SON: variants seen among roughly 807,000 people sequenced by gnomAD.
SON encodes the protein protein SON.
Under a neutral mutation model 173.3 loss-of-function variants are expected in SON, and 4 were observed. The observed-to-expected ratio is 0.02, with a 90% CI of 0.01 to 0.05. The LOEUF is 0.05. Ranked by LOEUF, SON falls within the 10% of genes least tolerant of loss-of-function variation. The pLI is 1.00. For missense variants in SON, 2,626 were observed against 3,055.3 expected, an observed-to-expected ratio of 0.86 and a Z score of 3.31; for synonymous variants, 1,190 against 1,105.9, an observed-to-expected ratio of 1.08 and a Z score of -1.51.
At chr21:33,576,240 A>G (rs2086397757) in intron 11 of SON, 125 bp from the exon 12 acceptor site, 1 of 653,452 alleles carries the variant, frequency 1.5e-6, no homozygotes, top group Admixed American at 2.5e-5. Context: ...TGAGATTATA[A>G]TTTGACTTAC....
intron 3 of SON, 71 bp from the exon 4 acceptor site, chr21:33,557,085 T>C: frequency 7.1e-7 from 1 of 1,418,168 alleles, no homozygotes; most frequent in Non-Finnish European, 9.6e-7. Context: ...TTTGTTAGTA[T>C]GTTAGACTTT....
Position 33,543,135 on chromosome 21 carries a change from A to G in SON, c.43A>G (p.Ser15Gly). 1 of 1,614,278 alleles carries G rather than the reference A, an allele frequency of 6.2e-7. No homozygotes were observed. The highest frequency in any genetic ancestry group is 8.5e-7 in the Non-Finnish European group (1 of 1,180,048). ...GCAGATTTTTAGGTCTTTCGTGGTC[A>G]GTAAATTCCGGGAAATTCAACAGGA... ...IEQIFRSFVV[S>G]KFREIQQELS... Residue 15 changes from serine to glycine, a missense_variant, in exon 1 of 12, where the codon AGT becomes GGT. Around this residue, in one of 13 missense-constraint regions of SON, gnomAD observed 757 missense variants for 730.1 expected, o/e 1.04. Coordinates refer to ENST00000356577, the MANE Select transcript of SON (RefSeq NM_138927.4).
rs2086326437 is a variant in SON, at chr21:33,573,224, CCT to C, written c.6886-81_6886-80del. ...ACAGATCTAGAAGTAAAGTAAGATT[CCT>C]CTTTTTAGAAAGTAAACAATGAATC... On this transcript the variant is annotated intron_variant, in intron 8 of 11. Coordinates refer to ENST00000356577, the MANE Select transcript of SON (RefSeq NM_138927.4). The C allele has an allele frequency of 5.2e-6, 6 of 1,148,364 alleles. No individual in the cohort carries two copies. In the South Asian group the frequency reaches 7.1e-5, roughly 14 times the overall value. 71.1% of individuals were successfully genotyped at this position (1,148,364 alleles called of 1,614,324 possible).
intron 1 of SON, 103 bp downstream of exon 1, chr21:33,543,272 C>A: frequency 9.0e-7 from 1 of 1,113,560 alleles, no homozygotes; most frequent in African/African-American, 1.5e-5. Flanking sequence ...CCGGCTCAGG[C>A]CCCGCTAGGG....
chr21:33,551,019 G>T lies in SON; in HGVS notation c.1788G>T (p.Leu596Phe). The T allele has an allele frequency of 1.2e-6, 2 of 1,609,928 alleles. No homozygotes were observed. Among genetic ancestry groups the T allele is most frequent in the Non-Finnish European group, 1.7e-6 (2 of 1,177,890 alleles). The change falls in exon 3 of 12, where the codon TTG (leucine) becomes TTT (phenylalanine). Residue 596 changes from leucine (L) to phenylalanine (F), a missense_variant. By Grantham distance (22) the Leu-to-Phe change is conservative. Around this residue, in one of 13 missense-constraint regions of SON, gnomAD observed 757 missense variants for 730.1 expected, o/e 1.04. Coordinates refer to ENST00000356577, the MANE Select transcript of SON (RefSeq NM_138927.4). ...CTGTGGCAACTGGGGCACTAGAGTT[G>T]CCTGGGCCGCTCATGGCAGCTGGGG... ...GQPVATGALE[L>F]PGPLMAAGAL...
chr21:33,560,565 A>G (rs1421779046), intron 6 of SON: 1 of 973,070 alleles, frequency 1.0e-6, no homozygotes, highest in African/African-American at 1.8e-5. Context: ...AAACAGCAAG[A>G]CTGTATATAT....
In SON at chr21:33,551,972, A is replaced by G. The variant is rs946944634; in HGVS notation, c.2741A>G (p.Tyr914Cys). 4 of 1,613,898 alleles carry G rather than the reference A, an allele frequency of 2.5e-6. No individual in the cohort carries two copies. Among genetic ancestry groups the G allele is most frequent in the Non-Finnish European group, 3.4e-6 (4 of 1,179,816 alleles). The change falls in exon 3 of 12, where the codon TAT becomes TGT. Residue 914 changes from tyrosine (Y) to cysteine (C), a missense_variant. By Grantham distance (194) the Tyr-to-Cys change is radical (BLOSUM62 -2). Transcript: ENST00000356577. The stretch of plus-strand genomic sequence containing the variant: ...TTGGGTTCAAAATCTCCTGATCCCT[A>G]TAGGTTAGCTCAGGATCCTTACAGG... The part of the protein sequence containing the change: ...AMLGSKSPDP[Y>C]RLAQDPYRLA...
intron 6 of SON, among the ~76,000 whole-genome samples, chr21:33,561,593 T>C (rs2086071262): frequency 6.6e-6 from 1 of 152,206 alleles, no homozygotes; most frequent in African/African-American, 2.4e-5. Flanking sequence ...GGGAAAGTGC[T>C]TAGTAACTCC....
Position 33,550,567 on chromosome 21 carries a change from G to A in SON, c.1336G>A (p.Val446Met). The change falls in exon 3 of 12, where the codon GTG becomes ATG. Residue 446 changes from valine (V) to methionine (M), a missense_variant. Transcript: ENST00000356577. ...PELPGPSVTP[V>M]PQLSQELPGL... ...GTTGCCAGGGCCCTCTGTGACACCAGTGCCACAGTTGTCGCAGGAATTGCC... is the reference window on the plus strand; with the variant it reads ...GTTGCCAGGGCCCTCTGTGACACCAATGCCACAGTTGTCGCAGGAATTGCC... 1.2e-6 allele frequency: 2 copies of A among 1,613,860 alleles called. No individual in the cohort carries two copies. The highest frequency in any genetic ancestry group is 1.7e-6 in the Non-Finnish European group (2 of 1,179,938).
chr21:33,557,245 G>A lies in SON; in HGVS notation c.6250G>A (p.Ala2084Thr), dbSNP rs763604763. 20 of 1,613,546 alleles carry A rather than the reference G, an allele frequency of 1.2e-5. No homozygotes were observed. In the East Asian group the frequency reaches 4.2e-4, roughly 34 times the overall value. The change falls in exon 4 of 12, where the codon GCA becomes ACA. Residue 2084 changes from alanine (A) to threonine (T), a missense_variant. Coordinates refer to ENST00000356577, the MANE Select transcript of SON (RefSeq NM_138927.4). ...GVPLPPNLKP[A>T]PPPTIEEKVA... ...CCCTTTACCACCAAACCTAAAGCCT[G>A]CACCTCCACCTACTATAGAAGAGAA...
At chr21:33,565,543 A>C (rs911971433) in intron 6 of SON, among the ~76,000 whole-genome samples, 11 of 152,212 alleles carry the variant, frequency 7.2e-5, no homozygotes, top group African/African-American at 2.7e-4. Flanking sequence ...TTCTCATTAA[A>C]GTCCCAGGAA....
Position 33,551,058 on chromosome 21 carries a change from G to T in SON, c.1827G>T (p.Ser609=), listed in dbSNP as rs750056624. The T allele has an allele frequency of 1.1e-5, 18 of 1,612,026 alleles. No individual in the cohort carries two copies. In the South Asian group the frequency reaches 1.8e-4, roughly 16 times the overall value. Residue 609 remains serine (S), a synonymous_variant, in exon 3 of 12, where the codon TCG becomes TCT. Coordinates refer to ENST00000356577, the MANE Select transcript of SON (RefSeq NM_138927.4). The stretch of plus-strand genomic sequence containing the variant: ...TGGCAGCTGGGGCACTGGAGTTCTC[G>T]GGGCAGTCTGGGGCAGCTGGAGCAC... The part of the protein sequence containing the change: ...PLMAAGALEF[S]GQSGAAGALE...
chr21:33,564,861 C>A (rs1283464818), intron 6 of SON, among the ~76,000 whole-genome samples: 647 of 97,678 alleles, frequency 6.6e-3, no homozygotes, highest in East Asian at 0.018. Context: ...AACTCCATCT[C>A]AAAAAAAAAA....
chr21:33,548,070 G>A (rs904716410), intron 2 of SON, among the ~76,000 whole-genome samples: 1 of 151,778 alleles, frequency 6.6e-6, no homozygotes, highest in Admixed American at 6.6e-5. Context: ...GCTTTTTTGG[G>A]GGTCCCTAAG....
At position 33,576,989 on chromosome 21, in the gene SON, T is replaced by TG. The variant is rs2145892247; in HGVS notation, c.*568dup. 5.6e-6 allele frequency: 1 copy of TG among 178,582 alleles called. No individual in the cohort carries two copies. Among genetic ancestry groups the TG allele is most frequent in the African/African-American group, 2.3e-5 (1 of 42,808 alleles). The allele number at this position is 178,582 out of a possible 1,614,324, so 11.1% of individuals were successfully genotyped here. ...ACAATGGGTTCTGCTGGACAGATAA[T>TG]GGGCCAGTGTTATTGAGGTGATCAA... On this transcript the variant is annotated 3_prime_UTR_variant, in exon 12 of 12. Transcript: ENST00000356577.
intron 8 of SON, 74 bp downstream of exon 8, chr21:33,569,161 C>A: frequency 1.2e-6 from 1 of 837,912 alleles, no homozygotes; most frequent in Non-Finnish European, 2.0e-6. Context: ...ATTAAAACTG[C>A]ATGAAAAGAC....
intron 2 of SON, among the ~76,000 whole-genome samples, chr21:33,548,915 T>C (rs2145811582): frequency 6.6e-6 from 1 of 152,362 alleles, no homozygotes; most frequent in East Asian, 1.9e-4. Context: ...GTGAAACATG[T>C]CTTAATGTAA....
rs7280001 is a variant in SON at position 33,553,785 on chromosome 21, C to T, written c.4554C>T (p.His1518=). ...HSGEEPHAEE[H]LKGDFYESEH... ...GTGAAGAACCACATGCTGAGGAACACCTGAAAGGTGACTTTTACGAAAGTG... is the reference window on the plus strand; with the variant it reads ...GTGAAGAACCACATGCTGAGGAACATCTGAAAGGTGACTTTTACGAAAGTG... The change falls in exon 3 of 12, where the codon CAC becomes CAT. Residue 1518 remains histidine, a synonymous_variant. Transcript: ENST00000356577. 1.2e-3 allele frequency: 1,979 copies of T among 1,613,994 alleles called. 24 individuals are homozygous for T. In the African/African-American group the frequency reaches 0.024, roughly 20 times the overall value.
chr21:33,553,339 T>A lies in SON; in HGVS notation c.4108T>A (p.Ser1370Thr). The A allele has an allele frequency of 6.3e-7, 1 of 1,585,812 alleles. No individual in the cohort carries two copies. Among genetic ancestry groups the A allele is most frequent in the Non-Finnish European group, 8.6e-7 (1 of 1,157,472 alleles). ...LESSAVTVLE[S>T]STVTVLESST... ...GTCTTCGGCTGTGACCGTCCTGGAG[T>A]CTTCGACTGTGACTGTCCTGGAGTC... is the stretch of plus-strand genomic sequence containing the variant. The change falls in exon 3 of 12, where the codon TCT becomes ACT. Residue 1370 changes from serine to threonine, a missense_variant. Transcript: ENST00000356577.
Sources: allele counts gnomAD v4.1 joint callset (sites outside exome capture counted in the v4.1 genomes callset), GRCh38; gene constraint gnomAD v4.1.1; regional missense constraint gnomAD v4.1.1; transcripts MANE v1.5; gene names NCBI Gene and HGNC (gene_info 2026-07-23, HGNC 2026-07-21).